PTPRB: variants seen among roughly 807,000 people sequenced by gnomAD.
PTPRB encodes the protein protein tyrosine phosphatase receptor type B, also known as receptor-type tyrosine-protein phosphatase beta.
A neutral mutation model predicts 238.1 loss-of-function variants in PTPRB; 97 were observed. The ratio of observed to expected loss-of-function variants is 0.41; its 90% CI spans 0.35 to 0.48. The LOEUF is 0.48. Among genes scored for constraint, PTPRB ranks in the 20% least tolerant of loss-of-function variants. The pLI, the probability that PTPRB is intolerant of heterozygous loss-of-function variation, is 0.30. For synonymous variants in PTPRB, 970 were observed against 995.4 expected (o/e 0.97, Z 0.48); for missense variants, 2,292 against 2,681.9 (o/e 0.85, Z 3.21).
Position 70,609,169 on chromosome 12 carries a change from G to A in PTPRB, c.879C>T (p.Asn293=). ...CTTGAAGGTTACATCCGTATGTGGT[G>A]TTGTCTATCCGAAAGGTAGGGCACA... ...AALCPTFRID[N]TTYGCNLQDL... is the part of the protein sequence containing the mutation. Residue 293 remains asparagine, a synonymous_variant, in exon 4 of 34, where the codon AAC becomes AAT. Coordinates refer to ENST00000334414, the MANE Select transcript of PTPRB (RefSeq NM_001109754.4). 1.2e-6 allele frequency: 2 copies of A among 1,614,054 alleles called. No individual in the cohort carries two copies. The highest frequency in any genetic ancestry group is 1.1e-5 in the South Asian group (1 of 91,090).
At chr12:70,537,392 C>G (rs1053940478) in intron 28 of PTPRB, among the ~76,000 whole-genome samples, 12 of 151,708 alleles carry the variant, frequency 7.9e-5, no homozygotes, top group African/African-American at 2.9e-4. Context: ...ATGGCGCAGA[C>G]ATCTTTCAAT....
At chr12:70,610,885 G>A (rs1372321115) in intron 3 of PTPRB, among the ~76,000 whole-genome samples, 4 of 151,002 alleles carry the variant, frequency 2.6e-5, no homozygotes, top group Non-Finnish European at 5.9e-5. Flanking sequence ...CTCTCCACAA[G>A]TTAAAAAAAA....
chr12:70,631,765 C>A (rs541842521), intron 2 of PTPRB, among the ~76,000 whole-genome samples: 10 of 152,238 alleles, frequency 6.6e-5, no homozygotes, highest in African/African-American at 1.9e-4. Context: ...AAAAAGTGGG[C>A]AAAGGATATG....
At chr12:70,631,552 T>A (rs1242208974) in intron 2 of PTPRB, among the ~76,000 whole-genome samples, 1 of 152,102 alleles carries the variant, frequency 6.6e-6, no homozygotes, top group Non-Finnish European at 1.5e-5. Flanking sequence ...CCAAAAGCAA[T>A]GGCAACAAAA....
At chr12:70,594,835 C>A in intron 5 of PTPRB, 111 bp from the exon 6 acceptor site, 3 of 1,302,802 alleles carry the variant, frequency 2.3e-6, no homozygotes, top group Non-Finnish European at 3.1e-6. Context: ...TACATCTTAA[C>A]TTGATAATAG....
chr12:70,531,459 C>T (rs4761219), intron 32 of PTPRB, among the ~76,000 whole-genome samples: 70 of 152,194 alleles, frequency 4.6e-4, no homozygotes, highest in Non-Finnish European at 7.2e-4. Context: ...GAGGCTAGTA[C>T]GCTTATAGCA....
In PTPRB at chr12:70,615,026, C is replaced by A. The variant is rs546666835; in HGVS notation, c.709-5687G>T. On this transcript the variant is annotated intron_variant, in intron 3 of 33. Coordinates refer to ENST00000334414, the MANE Select transcript of PTPRB (RefSeq NM_001109754.4). Reference sequence around the variant, plus strand: ...AAATAATAGAAGCATTAGGAGAGGGCGGTTGTAAGGATTAAATGAGAAGTT... The same window carrying A: ...AAATAATAGAAGCATTAGGAGAGGGAGGTTGTAAGGATTAAATGAGAAGTT... Among the ~76,000 whole-genome samples the A allele has an allele frequency of 2.0e-5, 3 of 152,138 alleles. No homozygotes were observed. The East Asian group carries it at 5.8e-4, about 29-fold the overall frequency.
At chr12:70,522,866 T>TC (rs1555219465) in intron 33 of PTPRB, among the ~76,000 whole-genome samples, 73 of 144,980 alleles carry the variant, frequency 5.0e-4, no homozygotes, top group African/African-American at 1.8e-3. Flanking sequence ...GTTTTTTCTT[T>TC]TTTTTTTTTT....
At chr12:70,607,790 A>G (rs1884083504) in intron 4 of PTPRB, among the ~76,000 whole-genome samples, 1 of 151,936 alleles carries the variant, frequency 6.6e-6, no homozygotes, top group Admixed American at 6.6e-5. Context: ...TGACCTCATG[A>G]TCCACCTGCC....
chr12:70,632,751 C>T (rs1885512524), intron 2 of PTPRB, among the ~76,000 whole-genome samples: 1 of 152,144 alleles, frequency 6.6e-6, no homozygotes, highest in Admixed American at 6.6e-5. Context: ...ACCTTGGCTG[C>T]ACATCAGAAT....
At chr12:70,572,487 G>T (rs1880183479) in intron 11 of PTPRB, among the ~76,000 whole-genome samples, 1 of 151,548 alleles carries the variant, frequency 6.6e-6, no homozygotes. Context: ...AAAAAATGAG[G>T]CTATGCATGG....
At position 70,608,057 on chromosome 12, in the gene PTPRB, T is replaced by G. The variant is rs376883382; in HGVS notation, c.979+1012A>C. ...TCTCTGAAACTGCTGCACCTGCCTTTAGAGCTGAAAGTTCTCACACCTCTT... is the reference window on the plus strand; with the variant it reads ...TCTCTGAAACTGCTGCACCTGCCTTGAGAGCTGAAAGTTCTCACACCTCTT... On this transcript the variant is annotated intron_variant, in intron 4 of 33. Transcript: ENST00000334414. 6.6e-5 allele frequency among the ~76,000 whole-genome samples: 10 copies of G among 152,332 alleles called. No homozygotes were observed. The East Asian group carries it at 7.7e-4, about 12-fold the overall frequency.
At chr12:70,524,891 ATGTGTATATATG>A (rs1460999446) in intron 32 of PTPRB, among the ~76,000 whole-genome samples, 1 of 95,098 alleles carries the variant, frequency 1.1e-5, no homozygotes, top group Non-Finnish European at 2.7e-5. Flanking sequence ...ATATGTATAT[ATGTGTATATATG>A]TGTATATATG....
At position 70,560,546 on chromosome 12, in the gene PTPRB, A is replaced by G; in HGVS notation, c.4432+125T>C. The G allele has an allele frequency of 7.7e-7, 1 of 1,295,452 alleles. No individual in the cohort carries two copies. Among genetic ancestry groups the G allele is most frequent in the Non-Finnish European group, 1.1e-6 (1 of 952,262 alleles). The allele number at this position is 1,295,452 out of a possible 1,614,324, so 80.2% of individuals were successfully genotyped here. On this transcript the variant is annotated intron_variant, in intron 17 of 33. Coordinates refer to ENST00000334414, the MANE Select transcript of PTPRB (RefSeq NM_001109754.4). The surrounding 1 kb of genome is among the most constrained non-coding windows in gnomAD (Gnocchi z 4.2). ...CTGTTGTCCCACAGTCCCTTCCCAA[A>G]TTCAGGGGCTAGCTCAGGGTATATC...
intron 4 of PTPRB, among the ~76,000 whole-genome samples, chr12:70,606,895 T>A (rs1234089007): frequency 6.6e-6 from 1 of 152,194 alleles, no homozygotes; most frequent in Non-Finnish European, 1.5e-5. Context: ...TGTGGGAAAT[T>A]TATCATTATG....
intron 32 of PTPRB, chr12:70,527,745 T>C (rs1241510263): frequency 6.6e-6 from 1 of 152,188 alleles, no homozygotes; most frequent in Non-Finnish European, 1.5e-5. Context: ...AGAGGTAAGT[T>C]GAAGTTCACT....
rs753153369 is a variant in PTPRB at position 70,559,575 on chromosome 12, G to A, written c.4482C>T (p.Ser1494=). Residue 1494 remains serine, a synonymous_variant, in exon 18 of 34, where the codon TCC becomes TCT. Coordinates refer to ENST00000334414, the MANE Select transcript of PTPRB (RefSeq NM_001109754.4). The part of the protein sequence containing the change: ...LMSFADIANT[S]LAITWKGPPD... ...GGGGCCCTTTCCACGTGATGGCCAAGGATGTGTTTGCAATGTCAGCAAATG... is the reference window on the plus strand; with the variant it reads ...GGGGCCCTTTCCACGTGATGGCCAAAGATGTGTTTGCAATGTCAGCAAATG... 1.1e-5 allele frequency: 18 copies of A among 1,613,172 alleles called. No individual in the cohort carries two copies. The East Asian group carries it at 3.8e-4, about 34-fold the overall frequency.
chr12:70,592,648 G>A, intron 6 of PTPRB, 103 bp from the exon 7 acceptor site: 1 of 1,257,578 alleles, frequency 8.0e-7, no homozygotes, highest in South Asian at 1.5e-5. Flanking sequence ...CACATTCCTT[G>A]CTCTGGAGAA....
In PTPRB at chr12:70,552,483, C is replaced by CAAAAAAA. The variant is rs60295837; in HGVS notation, c.5387+287_5387+293dup. 3.3e-5 allele frequency among the ~76,000 whole-genome samples: 4 copies of CAAAAAAA among 122,340 alleles called. No individual in the cohort carries two copies. In the East Asian group the frequency reaches 9.1e-4, roughly 28 times the overall value. 80.3% of individuals were successfully genotyped at this position (122,340 alleles called of 152,430 possible). A position where few individuals can be genotyped will look rare whatever the true frequency, so the allele number is the denominator to read the frequency against. The stretch of plus-strand genomic sequence containing the variant: ...TGGGCAACAGAGTAAGACTCTGTCT[C>CAAAAAAA]AAAAAAAAAAAAAAAAATAATGAAA... On this transcript the variant is annotated intron_variant, in intron 21 of 33. Coordinates refer to ENST00000334414, the MANE Select transcript of PTPRB (RefSeq NM_001109754.4).
Sources: gnomAD v4.1 joint callset for allele counts (sites outside exome capture counted in the v4.1 genomes callset) on GRCh38, gnomAD v4.1.1 for gene constraint, Gnocchi (gnomAD v3.1) non-coding constraint, MANE v1.5 for transcripts, NCBI Gene and HGNC (gene_info 2026-07-23, HGNC 2026-07-21) for gene names.